Variants in PEPD observed in about 807,000 individuals in gnomAD.
PEPD encodes peptidase D.
Under a neutral mutation model 60.7 loss-of-function variants are expected in PEPD, and 53 were observed. The ratio of observed to expected loss-of-function variants is 0.87; its 90% CI spans 0.70 to 1.10. The LOEUF is 1.10. Ranked by LOEUF, PEPD falls within the 50% of genes least tolerant of loss-of-function variation. The pLI is 0.00. For synonymous variants in PEPD, 267 were observed against 284.1 expected, an observed-to-expected ratio of 0.94 and a Z score of 0.60; for missense variants, 711 against 711.9, an observed-to-expected ratio of 1.00 and a Z score of 0.01.
intron 9 of PEPD, among the ~76,000 whole-genome samples, chr19:33,462,326 T>C (rs1432919531): frequency 6.7e-6 from 1 of 148,838 alleles, no homozygotes; most frequent in African/African-American, 2.4e-5. Flanking sequence ...GTACCAACAC[T>C]GGTGGGAGGT....
intron 9 of PEPD, among the ~76,000 whole-genome samples, chr19:33,460,574 G>A (rs1393834981): frequency 6.6e-6 from 1 of 152,094 alleles, no homozygotes; most frequent in Non-Finnish European, 1.5e-5. Context: ...TGTTCTTCCT[G>A]TCTCAGTCCC....
At chr19:33,511,201 G>A (rs776563308) in intron 2 of PEPD, 46 bp from the exon 3 acceptor site, 24 of 1,609,890 alleles carry the variant, frequency 1.5e-5, no homozygotes, top group Non-Finnish European at 1.9e-5. Flanking sequence ...AACATGAGGT[G>A]CAAGGAGGGA....
chr19:33,502,947 G>A (rs1329549708), intron 3 of PEPD, among the ~76,000 whole-genome samples: 1 of 137,894 alleles, frequency 7.3e-6, no homozygotes, highest in Admixed American at 7.1e-5. Flanking sequence ...CGGATAACTG[G>A]GGGGCGGGGG....
Position 33,464,039 on chromosome 19 carries a change from T to A in PEPD, c.572A>T (p.Glu191Val), listed in dbSNP as rs1969976315. The change falls in exon 8 of 15, where the codon GAG becomes GTG. Residue 191 changes from glutamate to valine, a missense_variant. Transcript: ENST00000244137. ...VECRVFKTDM[E>V]LEVLRYTNKI... ...ATTGGTATAGCGCAGAACCTCCAGC[T>A]CCATATCCGTCTTAAACACTCGGCT... 6.2e-7 allele frequency: 1 copy of A among 1,613,144 alleles called. No individual in the cohort carries two copies. The highest frequency in any genetic ancestry group is 1.7e-5 in the Admixed American group (1 of 59,966).
At chr19:33,387,566 A>C in intron 14 of PEPD, 85 bp from the exon 15 acceptor site, 13 of 1,555,802 alleles carry the variant, frequency 8.4e-6, no homozygotes, top group South Asian at 7.8e-5. Context: ...GGCCCACCCC[A>C]CCATGGGATG....
chr19:33,502,392 CAGG>C (rs1970728870), intron 3 of PEPD, among the ~76,000 whole-genome samples: 1 of 152,102 alleles, frequency 6.6e-6, no homozygotes, highest in African/African-American at 2.4e-5. Flanking sequence ...GGTGGTGAGG[CAGG>C]AGAATAGGGT....
intron 3 of PEPD, among the ~76,000 whole-genome samples, chr19:33,506,856 A>G (rs1970823524): frequency 6.8e-6 from 1 of 146,844 alleles, no homozygotes; most frequent in African/African-American, 2.5e-5. Context: ...ACCCCTCCTC[A>G]TAAACACCCT....
At chr19:33,488,266 C>T (rs1970433607) in intron 6 of PEPD, among the ~76,000 whole-genome samples, 1 of 152,164 alleles carries the variant, frequency 6.6e-6, no homozygotes. Flanking sequence ...GCAACTGTCA[C>T]TGAGCACCAG....
At position 33,521,741 on chromosome 19, in the gene PEPD, C is replaced by G; in HGVS notation, c.17+3G>C. 1 of 1,578,538 alleles carries G rather than the reference C, an allele frequency of 6.3e-7. No individual in the cohort carries two copies. Among genetic ancestry groups the G allele is most frequent in the Non-Finnish European group, 8.6e-7 (1 of 1,167,728 alleles). On this transcript the variant is annotated splice_donor_region_variant and intron_variant, in intron 1 of 14. Coordinates refer to ENST00000244137, the MANE Select transcript of PEPD (RefSeq NM_000285.4). Reference sequence around the variant, plus strand: ...GAAAGAGCGAGGGAGGCGCAGCACTCACCCGGTGGCCGCCGCCATGTTCGC... The same window carrying G: ...GAAAGAGCGAGGGAGGCGCAGCACTGACCCGGTGGCCGCCGCCATGTTCGC...
At chr19:33,492,472 A>G (rs1397389555) in intron 5 of PEPD, among the ~76,000 whole-genome samples, 2 of 152,200 alleles carry the variant, frequency 1.3e-5, no homozygotes, top group Admixed American at 6.5e-5. Context: ...CAGGTATGCA[A>G]TGTGGAATAA....
intron 3 of PEPD, among the ~76,000 whole-genome samples, chr19:33,509,038 C>T (rs2145349980): frequency 6.6e-6 from 1 of 152,364 alleles, no homozygotes; most frequent in Admixed American, 6.5e-5. Flanking sequence ...AGCCAGCAGG[C>T]AAGCTCAGCC....
chr19:33,406,824 G>A (rs766366844), intron 11 of PEPD, among the ~76,000 whole-genome samples: 13 of 152,086 alleles, frequency 8.5e-5, no homozygotes, highest in Admixed American at 7.2e-4. Context: ...TGGCCTGCAG[G>A]GTCGAGGTCT....
chr19:33,506,048 T>C (rs1600170784), intron 3 of PEPD, among the ~76,000 whole-genome samples: 3 of 109,500 alleles, frequency 2.7e-5, no homozygotes, highest in Admixed American at 9.8e-5. Flanking sequence ...CACAGCACAC[T>C]CCCACCCACC....
intron 9 of PEPD, among the ~76,000 whole-genome samples, chr19:33,455,949 T>C (rs1969789576): frequency 6.6e-6 from 1 of 152,186 alleles, no homozygotes; most frequent in Non-Finnish European, 1.5e-5. Context: ...ACAATGCCTA[T>C]TTATGTTAGT....
At chr19:33,468,614 C>T (rs1017962979) in intron 7 of PEPD, among the ~76,000 whole-genome samples, 18 of 152,334 alleles carry the variant, frequency 1.2e-4, no homozygotes, top group Admixed American at 3.3e-4. Flanking sequence ...GCCAGCCAGC[C>T]GCTGACTCAC....
At chr19:33,438,128 G>A (rs1421885601) in intron 9 of PEPD, among the ~76,000 whole-genome samples, 1 of 152,242 alleles carries the variant, frequency 6.6e-6, no homozygotes, top group Non-Finnish European at 1.5e-5. Context: ...AGGCTGCAGG[G>A]ATGTCCAGGA....
At chr19:33,389,881 G>C (rs1968171348) in intron 13 of PEPD, among the ~76,000 whole-genome samples, 1 of 152,280 alleles carries the variant, frequency 6.6e-6, no homozygotes, top group Non-Finnish European at 1.5e-5. Context: ...GCTGAGAACA[G>C]GGCGCAGGCG....
intron 9 of PEPD, among the ~76,000 whole-genome samples, chr19:33,449,716 G>A (rs550827446): frequency 5.3e-5 from 8 of 151,614 alleles, no homozygotes; most frequent in Admixed American, 1.3e-4. Context: ...GAAAGAAGTC[G>A]GTCATAGACT....
At chr19:33,387,543 C>G in intron 14 of PEPD, 62 bp from the exon 15 acceptor site, 1 of 1,604,474 alleles carries the variant, frequency 6.2e-7, no homozygotes, top group Non-Finnish European at 8.5e-7. Flanking sequence ...GCTAGAGGGC[C>G]GGGCCCATTC....
Sources: gnomAD v4.1 joint callset for allele counts (sites outside exome capture counted in the v4.1 genomes callset) on GRCh38, gnomAD v4.1.1 for gene constraint, MANE v1.5 for transcripts, NCBI Gene and HGNC (gene_info 2026-07-23, HGNC 2026-07-21) for gene names.